Variants in DCHS2 observed in about 807,000 individuals in gnomAD.
DCHS2 encodes the protein protocadherin-23.
In DCHS2, 142 loss-of-function variants were observed where a neutral mutation model predicts 182.4. The observed-to-expected ratio is 0.78, with a 90% CI of 0.68 to 0.89. The LOEUF is 0.89. Among genes scored for constraint, DCHS2 ranks in the 40% least tolerant of loss-of-function variants. The pLI is 0.00. For missense variants in DCHS2, 4,319 were observed against 4,198.6 expected (o/e 1.03, Z -0.79); for synonymous variants, 1,740 against 1,663.3 (o/e 1.05, Z -1.12).
intron 5 of DCHS2, among the ~76,000 whole-genome samples, chr4:154,330,166 G>A (rs763543579): frequency 3.9e-5 from 6 of 152,170 alleles, no homozygotes; most frequent in Non-Finnish European, 8.8e-5. Context: ...AGGAAGAAAT[G>A]TAATCACACA....
chr4:154,384,126 A>G (rs1731293783), intron 1 of DCHS2, among the ~76,000 whole-genome samples: 1 of 152,200 alleles, frequency 6.6e-6, no homozygotes, highest in Non-Finnish European at 1.5e-5. Context: ...AAATAGGACT[A>G]TAATATTCCA....
chr4:154,367,727 G>A (rs1370101358), intron 2 of DCHS2, among the ~76,000 whole-genome samples: 2 of 152,036 alleles, frequency 1.3e-5, no homozygotes, highest in East Asian at 3.9e-4. Flanking sequence ...CATCTTTTTT[G>A]TTTCCTTTTT....
At chr4:154,471,531 C>G (rs1256613333) in intron 1 of DCHS2, among the ~76,000 whole-genome samples, 1 of 152,052 alleles carries the variant, frequency 6.6e-6, no homozygotes, top group Non-Finnish European at 1.5e-5. Context: ...ACTGGCTATC[C>G]TCAGTCACAG....
Position 154,320,843 on chromosome 4 carries a change from A to G in DCHS2, c.4556T>C (p.Val1519Ala). The change falls in exon 9 of 20, where the codon GTA becomes GCA. Residue 1519 changes from valine (V) to alanine (A), a missense_variant. By Grantham distance (64) the Val-to-Ala change is moderately conservative. Coordinates refer to ENST00000357232, the MANE Select transcript of DCHS2 (RefSeq NM_001358235.2). ...SFQDELIVIS[V>A]EENVPIGTLV... The stretch of plus-strand genomic sequence containing the variant: ...GGTTCCTATGGGAACATTCTCCTCT[A>G]CACTGATCACAATGAGCTCATCCTG... The G allele has an allele frequency of 1.2e-6, 2 of 1,614,104 alleles. No individual in the cohort carries two copies. The highest frequency in any genetic ancestry group is 1.7e-6 in the Non-Finnish European group (2 of 1,180,002).
chr4:154,247,769 G>T (rs1732151419), intron 16 of DCHS2, among the ~76,000 whole-genome samples: 1 of 151,574 alleles, frequency 6.6e-6, no homozygotes, highest in South Asian at 2.1e-4. Context: ...TTCAACTTCT[G>T]TATTGTCCAT....
At chr4:154,339,327 G>A (rs569389782) in intron 3 of DCHS2, among the ~76,000 whole-genome samples, 3 of 152,120 alleles carry the variant, frequency 2.0e-5, no homozygotes, top group South Asian at 4.2e-4. Context: ...TCTGCTTTAC[G>A]CAGTTCACCA....
At chr4:154,453,328 AG>A (rs1734617284) in intron 1 of DCHS2, among the ~76,000 whole-genome samples, 1 of 87,940 alleles carries the variant, frequency 1.1e-5, no homozygotes, top group Non-Finnish European at 2.2e-5. Flanking sequence ...AATCTATTTA[AG>A]GGGGTGGGGG....
At chr4:154,458,737 A>G (rs1398991392) in intron 1 of DCHS2, among the ~76,000 whole-genome samples, 1 of 152,206 alleles carries the variant, frequency 6.6e-6, no homozygotes, top group African/African-American at 2.4e-5. Flanking sequence ...AGAAAATAAA[A>G]CAAATGGAAT....
At chr4:154,304,308 T>G (rs575437383) in intron 12 of DCHS2, among the ~76,000 whole-genome samples, 1 of 152,270 alleles carries the variant, frequency 6.6e-6, no homozygotes, top group Admixed American at 6.5e-5. Flanking sequence ...TCACAGCAGT[T>G]TGCAAAGGCA....
At chr4:154,462,123 C>A (rs996562393) in intron 1 of DCHS2, among the ~76,000 whole-genome samples, 1 of 152,116 alleles carries the variant, frequency 6.6e-6, no homozygotes, top group African/African-American at 2.4e-5. Flanking sequence ...CAACAAATAT[C>A]TTTTATTATC....
At chr4:154,438,645 T>C (rs1261870869) in intron 1 of DCHS2, among the ~76,000 whole-genome samples, 1 of 152,250 alleles carries the variant, frequency 6.6e-6, no homozygotes. Context: ...CTCCATTTAT[T>C]CAGGTCTTCT....
chr4:154,354,196 G>C (rs1326108497), intron 3 of DCHS2, among the ~76,000 whole-genome samples: 1 of 152,188 alleles, frequency 6.6e-6, no homozygotes, highest in Non-Finnish European at 1.5e-5. Flanking sequence ...AAAGTGTTAG[G>C]ATTACAGGTG....
At chr4:154,271,384 A>G (rs1429899167) in intron 13 of DCHS2, among the ~76,000 whole-genome samples, 1 of 152,200 alleles carries the variant, frequency 6.6e-6, no homozygotes, top group Non-Finnish European at 1.5e-5. Flanking sequence ...CAGACAATGC[A>G]TAACCAAGGG....
At chr4:154,263,191 T>C (rs1733068186) in intron 14 of DCHS2, among the ~76,000 whole-genome samples, 1 of 152,132 alleles carries the variant, frequency 6.6e-6, no homozygotes, top group Non-Finnish European at 1.5e-5. Flanking sequence ...AATACATACA[T>C]TCAGAAAACC....
At chr4:154,460,957 C>T (rs1214838097) in intron 1 of DCHS2, among the ~76,000 whole-genome samples, 1 of 152,100 alleles carries the variant, frequency 6.6e-6, no homozygotes, top group Non-Finnish European at 1.5e-5. Context: ...TCACTGTATG[C>T]CATTGTTCCC....
chr4:154,430,487 A>G (rs1157480234), intron 1 of DCHS2, among the ~76,000 whole-genome samples: 1 of 152,196 alleles, frequency 6.6e-6, no homozygotes, highest in African/African-American at 2.4e-5. Context: ...AAATTAAAAT[A>G]TGACCCCACA....
At chr4:154,373,241 T>C (rs1028577719) in intron 2 of DCHS2, among the ~76,000 whole-genome samples, 1 of 152,188 alleles carries the variant, frequency 6.6e-6, no homozygotes, top group Non-Finnish European at 1.5e-5. Flanking sequence ...CATCTTTCTC[T>C]TTACCAACCT....
chr4:154,416,010 C>T (rs1469126856), intron 1 of DCHS2, among the ~76,000 whole-genome samples: 2 of 151,872 alleles, frequency 1.3e-5, no homozygotes, highest in Non-Finnish European at 2.9e-5. Flanking sequence ...ATACAAAATT[C>T]TTGCACGTGG....
chr4:154,240,043 A>G (rs1731724838), intron 18 of DCHS2, among the ~76,000 whole-genome samples: 1 of 152,148 alleles, frequency 6.6e-6, no homozygotes, highest in Non-Finnish European at 1.5e-5. Flanking sequence ...TCTGGAGTCC[A>G]TTTGCAAGTA....
Sources: gnomAD v4.1 joint callset for allele counts (sites outside exome capture counted in the v4.1 genomes callset) on GRCh38, gnomAD v4.1.1 for gene constraint, MANE v1.5 for transcripts, NCBI Gene and HGNC (gene_info 2026-07-23, HGNC 2026-07-21) for gene names.